Variants in ITGB5 observed in about 807,000 individuals in gnomAD.
ITGB5 encodes the protein integrin beta-5.
ITGB5 carries 38 observed loss-of-function variants against 84.8 expected under a neutral mutation model. The ratio of observed to expected loss-of-function variants is 0.45; its 90% confidence interval spans 0.35 to 0.59. ITGB5 has a LOEUF of 0.59. Among genes scored for constraint, ITGB5 ranks in the 20% least tolerant of loss-of-function variants. The pLI is 0.01. For synonymous variants in ITGB5, 393 were observed against 414.4 expected (o/e 0.95, Z 0.63); for missense variants, 905 against 1,034.5 (o/e 0.87, Z 1.72).
chr3:124,875,886 G>C (rs1423439464), intron 1 of ITGB5, among the ~76,000 whole-genome samples: 4 of 152,186 alleles, frequency 2.6e-5, no homozygotes, highest in Admixed American at 6.5e-5. Context: ...ACTATTAAGC[G>C]AGGCACAGAA....
intron 5 of ITGB5, among the ~76,000 whole-genome samples, chr3:124,834,424 A>T (rs1306010583): frequency 6.7e-6 from 1 of 150,100 alleles, no homozygotes; most frequent in Non-Finnish European, 1.5e-5. Flanking sequence ...AGAAAGAAAG[A>T]AGGAAACAAA....
At chr3:124,805,456 CTTTT>C (rs34640457) in intron 9 of ITGB5, among the ~76,000 whole-genome samples, 2 of 147,058 alleles carry the variant, frequency 1.4e-5, no homozygotes, top group African/African-American at 5.0e-5. Context: ...ACTGCCATTA[CTTTT>C]TTTTTTTAAG....
At chr3:124,764,695 G>T in intron 13 of ITGB5, 138 bp from the exon 14 acceptor site, 1 of 742,656 alleles carries the variant, frequency 1.3e-6, no homozygotes. Context: ...TCCTCAGGAG[G>T]GTTTCCCCAA....
At chr3:124,890,829 C>G (rs531462757), upstream of ITGB5, among the ~76,000 whole-genome samples, 1 of 152,282 alleles carries the variant, frequency 6.6e-6, no homozygotes, top group East Asian at 1.9e-4. Flanking sequence ...TTGCTCTGAG[C>G]TTTTGCTTTG....
At chr3:124,766,860 A>G (rs1318103928) in intron 12 of ITGB5, among the ~76,000 whole-genome samples, 1 of 152,230 alleles carries the variant, frequency 6.6e-6, no homozygotes, top group African/African-American at 2.4e-5. Context: ...ACACTGGGTG[A>G]GAGGCTGGTG....
intron 9 of ITGB5, among the ~76,000 whole-genome samples, chr3:124,804,065 A>G (rs527979189): frequency 6.6e-6 from 1 of 152,280 alleles, no homozygotes; most frequent in East Asian, 1.9e-4. Flanking sequence ...ATATATTTAG[A>G]ATGACTCTCC....
intron 1 of ITGB5, among the ~76,000 whole-genome samples, chr3:124,881,773 G>A (rs1421143075): frequency 1.3e-5 from 2 of 151,986 alleles, no homozygotes; most frequent in Admixed American, 1.3e-4. Flanking sequence ...TTCAAGACCA[G>A]CCTGGCCAAC....
chr3:124,796,329 G>A, intron 10 of ITGB5, 59 bp downstream of exon 10: 1 of 1,445,306 alleles, frequency 6.9e-7, no homozygotes, highest in East Asian at 2.3e-5. Context: ...GCTTTGGGAG[G>A]GTGTCCTAAC....
chr3:124,834,778 C>T (rs907599014), intron 5 of ITGB5, among the ~76,000 whole-genome samples: 2 of 152,072 alleles, frequency 1.3e-5, no homozygotes, highest in African/African-American at 4.8e-5. Context: ...ACAGAGGAAA[C>T]AACACATGCA....
At position 124,809,003 on chromosome 3, in the gene ITGB5, A is replaced by T; in HGVS notation, c.1263+19T>A. 1 of 1,612,288 alleles carries T rather than the reference A, an allele frequency of 6.2e-7. No homozygotes were observed. The highest frequency in any genetic ancestry group is 8.5e-7 in the Non-Finnish European group (1 of 1,179,190). The stretch of plus-strand genomic sequence containing the variant: ...ACCAATGCTAACAAGAGTTCATACA[A>T]ACTTGGGGTGAGACTTACCGTGTCC... On this transcript the variant is annotated intron_variant, in intron 9 of 14. Transcript: ENST00000296181.
chr3:124,888,727 T>G (rs762299740), upstream of ITGB5, among the ~76,000 whole-genome samples: 1 of 152,112 alleles, frequency 6.6e-6, no homozygotes, highest in Non-Finnish European at 1.5e-5. Context: ...TGGCTAAAAC[T>G]GAAGCAGTAA....
chr3:124,771,056 C>T (rs983153118), intron 11 of ITGB5, among the ~76,000 whole-genome samples: 1 of 152,060 alleles, frequency 6.6e-6, no homozygotes, highest in African/African-American at 2.4e-5. Flanking sequence ...TCCATGTGGA[C>T]ATATCAGTCT....
At chr3:124,841,288 G>A (rs2065006652) in intron 5 of ITGB5, 95 bp downstream of exon 5, 1 of 1,194,986 alleles carries the variant, frequency 8.4e-7, no homozygotes, top group African/African-American at 1.5e-5. Flanking sequence ...CCACATGCTG[G>A]GGCACTCAAA....
At chr3:124,771,748 CAAAAAAA>C (rs59189728) in intron 11 of ITGB5, among the ~76,000 whole-genome samples, 2 of 69,156 alleles carry the variant, frequency 2.9e-5, no homozygotes, top group African/African-American at 5.3e-5. Flanking sequence ...GACCCTGTCT[CAAAAAAA>C]AAAAAAAAAA....
chr3:124,771,026 C>T (rs902798357), intron 11 of ITGB5, among the ~76,000 whole-genome samples: 4 of 152,192 alleles, frequency 2.6e-5, no homozygotes, highest in African/African-American at 7.2e-5. Context: ...AGGCTGCTTC[C>T]AGGAAACACT....
chr3:124,816,255 T>G (rs1224661015), intron 8 of ITGB5, among the ~76,000 whole-genome samples: 3 of 152,196 alleles, frequency 2.0e-5, no homozygotes, highest in Non-Finnish European at 2.9e-5. Flanking sequence ...AGCTGGGCAG[T>G]ACTTTGCAAC....
chr3:124,841,658 C>A (rs61760570), intron 4 of ITGB5, 107 bp from the exon 5 acceptor site: 38,180 of 1,031,176 alleles, frequency 0.037, 887 homozygotes, highest in Middle Eastern at 0.055. Context: ...TAACTATTTA[C>A]CCAGCACCTA....
chr3:124,860,452 TAAC>T (rs2065280415), intron 2 of ITGB5, among the ~76,000 whole-genome samples: 1 of 152,224 alleles, frequency 6.6e-6, no homozygotes. Flanking sequence ...GTTTGTATGA[TAAC>T]GACACATTGA....
rs191853797 is a variant in ITGB5 at position 124,830,703 on chromosome 3, G to T, written c.781-9229C>A. 5.5e-4 allele frequency among the ~76,000 whole-genome samples: 84 copies of T among 152,266 alleles called. No homozygotes were observed. In the Middle Eastern group the frequency reaches 0.01, roughly 18 times the overall value. On this transcript the variant is annotated intron_variant, in intron 5 of 14. Coordinates refer to ENST00000296181, the MANE Select transcript of ITGB5 (RefSeq NM_002213.5). ...CTCCTTGATAGAAAATTCTTCCTTG[G>T]CCGGGCACGGTGGCTCATGCCTGTA...
Sources: gnomAD v4.1 joint callset for allele counts (sites outside exome capture counted in the v4.1 genomes callset) on GRCh38, gnomAD v4.1.1 for gene constraint, MANE v1.5 for transcripts, NCBI Gene and HGNC (gene_info 2026-07-23, HGNC 2026-07-21) for gene names.